The following ZBTB38 variants were observed in gnomAD, a reference collection of about 807,000 sequenced individuals.
ZBTB38 encodes the protein zinc finger and BTB domain containing 38, also known as zinc finger and BTB domain-containing protein 38.
ZBTB38 carries 20 observed loss-of-function variants against 76.8 expected under a neutral mutation model. The ratio of observed to expected loss-of-function variants is 0.26; its 90% CI spans 0.18 to 0.38. The LOEUF is 0.38. Ranked by LOEUF, ZBTB38 falls within the 10% of genes least tolerant of loss-of-function variation. The probability of loss-of-function intolerance (pLI) is 1.00; values close to 1 mark genes in which losing one functional copy is unlikely to be tolerated. For missense variants in ZBTB38, 1,082 were observed against 1,482.3 expected (o/e 0.73, Z 4.43); for synonymous variants, 504 against 544.2 (o/e 0.93, Z 1.03).
intron 5 of ZBTB38, among the ~76,000 whole-genome samples, chr3:141,418,985 C>A (rs2074732871): frequency 6.6e-6 from 1 of 152,132 alleles, no homozygotes; most frequent in African/African-American, 2.4e-5. Context: ...AGATAGCTAA[C>A]CATATTGTAT....
chr3:141,419,689 A>G (rs1266346579), intron 5 of ZBTB38, among the ~76,000 whole-genome samples: 1 of 152,166 alleles, frequency 6.6e-6, no homozygotes, highest in Non-Finnish European at 1.5e-5. Flanking sequence ...GGAGGGGTGT[A>G]TGAAAGAGAT....
intron 5 of ZBTB38, among the ~76,000 whole-genome samples, chr3:141,437,598 C>T (rs991488152): frequency 3.9e-5 from 6 of 152,162 alleles, no homozygotes; most frequent in Non-Finnish European, 7.4e-5. Flanking sequence ...GGGAAGGAGA[C>T]TTTCCAATGT....
At chr3:141,420,215 A>G (rs1186102929) in intron 5 of ZBTB38, among the ~76,000 whole-genome samples, 5 of 152,286 alleles carry the variant, frequency 3.3e-5, no homozygotes, top group Admixed American at 1.3e-4. Context: ...GAGAAAAACA[A>G]TTGGAATGAG....
chr3:141,426,165 G>A, intron 5 of ZBTB38: 2 of 1,289,398 alleles, frequency 1.6e-6, no homozygotes, highest in Non-Finnish European at 2.0e-6. Flanking sequence ...CAGGAGACAT[G>A]GTAAGCTGTT....
chr3:141,444,603 A>G lies in ZBTB38; in HGVS notation c.2215A>G (p.Ser739Gly). The change falls in exon 6 of 6, where the codon AGC becomes GGC. Residue 739 changes from serine to glycine, a missense_variant. Physicochemically the swap from Ser to Gly is moderately conservative, Grantham distance 56. Coordinates refer to ENST00000321464, the MANE Select transcript of ZBTB38 (RefSeq NM_001376113.1). This position sits in a 1 kb window ranked among gnomAD's most constrained non-coding sequence, Gnocchi z 5.1. The part of the protein sequence containing the change: ...HSNAIAAMTS[S>G]NHRAFSDPAV... ...CAATGCCATTGCTGCCATGACCAGC[A>G]GCAACCACAGAGCCTTTTCAGACCC... 1.2e-6 allele frequency: 2 copies of G among 1,614,208 alleles called. No homozygotes were observed. The highest frequency in any genetic ancestry group is 1.7e-6 in the Non-Finnish European group (2 of 1,180,032).
intron 1 of ZBTB38, among the ~76,000 whole-genome samples, chr3:141,369,244 T>C (rs1216769819): frequency 6.6e-6 from 1 of 152,240 alleles, no homozygotes; most frequent in African/African-American, 2.4e-5. Flanking sequence ...AAATGGTATT[T>C]TCACACTTAA....
At position 141,449,627 on chromosome 3, in the gene ZBTB38, G is replaced by C. The variant is rs1295510526; in HGVS notation, c.*3651G>C. ...GAAAATTACTGCCAGGCCTACCGGT[G>C]GCTGGCCAGTAGCATCAATTTTGTA... On this transcript the variant is annotated 3_prime_UTR_variant, in exon 6 of 6. Transcript: ENST00000321464. The C allele has an allele frequency of 6.6e-6, 1 of 151,982 alleles. No homozygotes were observed. Among genetic ancestry groups the C allele is most frequent in the Non-Finnish European group, 1.5e-5 (1 of 68,002 alleles). The allele number at this position is 151,982 out of a possible 1,614,324, so 9.4% of individuals were successfully genotyped here.
rs557272738 is a variant in ZBTB38 at position 141,442,670 on chromosome 3, C to T, written c.282C>T (p.Ser94=). The T allele has an allele frequency of 6.2e-7, 1 of 1,614,154 alleles. No individual in the cohort carries two copies. The highest frequency in any genetic ancestry group is 2.2e-5 in the East Asian group (1 of 44,882). The change falls in exon 6 of 6, where the codon TCC becomes TCT. Residue 94 remains serine, a synonymous_variant. Transcript: ENST00000321464. The surrounding 1 kb of genome is among the most constrained non-coding windows in gnomAD (Gnocchi z 6.4). ...FTEILNYIYS[S]TVVVKRQETV... is the part of the protein sequence containing the mutation. ...AAATACTTAATTATATCTACAGTTCCACAGTCGTTGTCAAGAGACAGGAAA... is the reference window on the plus strand; with the variant it reads ...AAATACTTAATTATATCTACAGTTCTACAGTCGTTGTCAAGAGACAGGAAA...
intron 1 of ZBTB38, among the ~76,000 whole-genome samples, chr3:141,337,771 A>C (rs557335614): frequency 1.5e-4 from 23 of 152,320 alleles, no homozygotes; most frequent in African/African-American, 5.1e-4. Flanking sequence ...CCTTATCTCA[A>C]GTCCTCACAA....
At chr3:141,402,933 C>G (rs982444359) in intron 4 of ZBTB38, 19 of 152,282 alleles carry the variant, frequency 1.2e-4, no homozygotes, top group South Asian at 4.1e-4. Context: ...TGATGCAACA[C>G]CAAGCCCCTG....
intron 5 of ZBTB38, among the ~76,000 whole-genome samples, chr3:141,439,288 G>T (rs1453850693): frequency 1.3e-5 from 2 of 152,166 alleles, no homozygotes; most frequent in Non-Finnish European, 2.9e-5. Context: ...TTGTTAAAAG[G>T]TGTGTCAAGA....
rs1203691292 is a variant in ZBTB38 at position 141,434,961 on chromosome 3, G to A, written c.1-7428G>A. Among the ~76,000 whole-genome samples, 14 of 151,984 alleles carry A rather than the reference G, an allele frequency of 9.2e-5. No individual in the cohort carries two copies. In the East Asian group the frequency reaches 1.7e-3, roughly 19 times the overall value. ...AGCCTGGGCAACATAGTGGGACCCC[G>A]TCTCTAATAAAAAATTTAGAAATTA... is the stretch of plus-strand genomic sequence containing the variant. On this transcript the variant is annotated intron_variant, in intron 5 of 5. Coordinates refer to ENST00000321464, the MANE Select transcript of ZBTB38 (RefSeq NM_001376113.1).
intron 1 of ZBTB38, among the ~76,000 whole-genome samples, chr3:141,340,451 T>C (rs1207510481): frequency 6.6e-6 from 1 of 152,090 alleles, no homozygotes; most frequent in African/African-American, 2.4e-5. Flanking sequence ...AGAAGACAAT[T>C]CCTACAAGGG....
chr3:141,398,661 G>C (rs1031683202), intron 4 of ZBTB38, among the ~76,000 whole-genome samples: 4 of 151,288 alleles, frequency 2.6e-5, no homozygotes, highest in African/African-American at 9.7e-5. Context: ...TTTTTGCACT[G>C]TTCTTGTAAC....
At chr3:141,406,922 T>C (rs1223939009) in intron 5 of ZBTB38, among the ~76,000 whole-genome samples, 1 of 152,154 alleles carries the variant, frequency 6.6e-6, no homozygotes, top group Non-Finnish European at 1.5e-5. Context: ...ACGTGTATGA[T>C]GAATATTAAG....
rs115197734 is a variant in ZBTB38, at chr3:141,385,391, A to G, written c.-171-1481A>G. ...TATAGAGTGGAAAAGAATCTGTTCT[A>G]TTTCCTTAAAAATAAAAGACTTCTT... is the stretch of plus-strand genomic sequence containing the variant. On this transcript the variant is annotated intron_variant, in intron 3 of 5. Transcript: ENST00000321464. Among the ~76,000 whole-genome samples, 444 of 152,176 alleles carry G rather than the reference A, an allele frequency of 2.9e-3. 1 individual carries two copies. The highest frequency in any genetic ancestry group is 5.1e-3 in the Non-Finnish European group (344 of 67,982).
At chr3:141,429,599 A>G (rs1038024033) in intron 5 of ZBTB38, among the ~76,000 whole-genome samples, 1 of 152,216 alleles carries the variant, frequency 6.6e-6, no homozygotes. Flanking sequence ...CCTGGAGCTT[A>G]CTTTCTGGCG....
chr3:141,405,048 C>G (rs926088637), intron 5 of ZBTB38, among the ~76,000 whole-genome samples: 9 of 152,224 alleles, frequency 5.9e-5, no homozygotes, highest in African/African-American at 2.2e-4. Flanking sequence ...TTCCACCTAT[C>G]TATTAAAACT....
intron 3 of ZBTB38, among the ~76,000 whole-genome samples, chr3:141,385,474 C>G (rs550905440): frequency 6.6e-5 from 10 of 151,942 alleles, no homozygotes; most frequent in Non-Finnish European, 1.2e-4. Flanking sequence ...CCGGCAGGAT[C>G]TGGAGGAAAT....
Sources: allele counts gnomAD v4.1 joint callset (sites outside exome capture counted in the v4.1 genomes callset), GRCh38; gene constraint gnomAD v4.1.1; non-coding constraint Gnocchi (gnomAD v3.1); transcripts MANE v1.5; gene names NCBI Gene and HGNC (gene_info 2026-07-23, HGNC 2026-07-21).